The following TRIO variants were observed in gnomAD, a reference collection of about 807,000 sequenced individuals.
The protein encoded by TRIO is triple functional domain protein.
TRIO carries 58 observed loss-of-function variants against 351.9 expected under a neutral mutation model. The ratio of observed to expected loss-of-function variants is 0.16; its 90% confidence interval spans 0.13 to 0.21. The LOEUF (loss-of-function observed/expected upper bound fraction) is 0.21. TRIO is among the 10% of genes least tolerant of loss of function. The probability of loss-of-function intolerance (pLI) is 1.00; values close to 1 mark genes in which losing one functional copy is unlikely to be tolerated. For missense variants in TRIO, 3,201 were observed against 4,027.8 expected (o/e 0.79, Z 5.56); for synonymous variants, 1,758 against 1,595.7 (o/e 1.10, Z -2.42).
chr5:14,496,705 C>T (rs1756917702), intron 49 of TRIO, among the ~76,000 whole-genome samples, 174 bp from the exon 50 acceptor site: 1 of 152,078 alleles, frequency 6.6e-6, no homozygotes, highest in Admixed American at 6.5e-5. Context: ...GGTTTTATCT[C>T]CTGGTTCTTA....
intron 11 of TRIO, among the ~76,000 whole-genome samples, chr5:14,346,999 G>T (rs1742478791): frequency 6.6e-6 from 1 of 152,234 alleles, no homozygotes; most frequent in African/African-American, 2.4e-5. Context: ...GACTGACAAA[G>T]GTAGTGGTGG....
chr5:14,362,305 A>T (rs1337563374), intron 13 of TRIO, among the ~76,000 whole-genome samples: 1 of 152,254 alleles, frequency 6.6e-6, no homozygotes, highest in African/African-American at 2.4e-5. Context: ...TTTTTCTAAA[A>T]GATGAGGCCA....
At chr5:14,195,051 TA>T (rs1436437444) in intron 1 of TRIO, among the ~76,000 whole-genome samples, 9 of 152,126 alleles carry the variant, frequency 5.9e-5, no homozygotes, top group African/African-American at 2.2e-4. Flanking sequence ...CTTCTGGAAG[TA>T]AAATGATGAA....
chr5:14,462,251 C>A (rs1389183032), intron 35 of TRIO, among the ~76,000 whole-genome samples: 1 of 152,062 alleles, frequency 6.6e-6, no homozygotes, highest in Non-Finnish European at 1.5e-5. Flanking sequence ...AAACCTCTGT[C>A]CTCTTAGGAA....
At chr5:14,357,026 G>A (rs963357319) in intron 11 of TRIO, among the ~76,000 whole-genome samples, 8 of 152,208 alleles carry the variant, frequency 5.3e-5, no homozygotes, top group South Asian at 2.1e-4. Flanking sequence ...GGTGAAGTGG[G>A]TATAGACAAA....
intron 21 of TRIO, among the ~76,000 whole-genome samples, chr5:14,382,585 C>A (rs995700376): frequency 6.6e-6 from 1 of 152,246 alleles, no homozygotes; most frequent in South Asian, 2.1e-4. Context: ...CCCCCAGAGG[C>A]ACAATGAGCT....
intron 34 of TRIO, among the ~76,000 whole-genome samples, chr5:14,434,522 T>C (rs1561486758): frequency 1.3e-5 from 2 of 152,206 alleles, no homozygotes; most frequent in African/African-American, 4.8e-5. Flanking sequence ...TGAAATAATT[T>C]TGGACCTACA....
intron 17 of TRIO, 22 bp downstream of exon 17, chr5:14,368,921 C>T (rs1042832787): frequency 1.2e-6 from 2 of 1,604,386 alleles, no homozygotes; most frequent in African/African-American, 2.7e-5. Context: ...GGTTCCCTTC[C>T]TTGAACTCCA....
chr5:14,270,378 A>C (rs757494469), intron 1 of TRIO, among the ~76,000 whole-genome samples: 3 of 152,222 alleles, frequency 2.0e-5, no homozygotes, highest in Non-Finnish European at 2.9e-5. Context: ...CAGACCCTGA[A>C]GTCTGATGGA....
At chr5:14,145,788 G>C (rs1787486519) in intron 1 of TRIO, among the ~76,000 whole-genome samples, 1 of 152,154 alleles carries the variant, frequency 6.6e-6, no homozygotes, top group African/African-American at 2.4e-5. Context: ...CTCCCTAAAA[G>C]ACACCGAAGA....
At position 14,504,379 on chromosome 5, in the gene TRIO, G is replaced by C; in HGVS notation, c.8412-14G>C. 1 of 1,613,884 alleles carries C rather than the reference G, an allele frequency of 6.2e-7. No individual in the cohort carries two copies. The highest frequency in any genetic ancestry group is 8.5e-7 in the Non-Finnish European group (1 of 1,179,998). On this transcript the variant is annotated splice_polypyrimidine_tract_variant and intron_variant, in intron 54 of 56. Coordinates refer to ENST00000344204, the MANE Select transcript of TRIO (RefSeq NM_007118.4). Reference sequence around the variant, plus strand: ...AGCAGCCTCTGCAAATGGTCCCCCTGACATATTTTACAGGGGCAGATTCTC... The same window carrying C: ...AGCAGCCTCTGCAAATGGTCCCCCTCACATATTTTACAGGGGCAGATTCTC...
At chr5:14,505,127 T>C (rs1464100594) in intron 55 of TRIO, among the ~76,000 whole-genome samples, 1 of 152,230 alleles carries the variant, frequency 6.6e-6, no homozygotes, top group African/African-American at 2.4e-5. Context: ...CCGTTGTACT[T>C]ACTGGGCTCC....
intron 1 of TRIO, among the ~76,000 whole-genome samples, chr5:14,148,507 A>G (rs933270254): frequency 5.9e-5 from 9 of 152,218 alleles, no homozygotes; most frequent in Non-Finnish European, 1.3e-4. Flanking sequence ...ACTCACTGAT[A>G]TTGATAGGGA....
chr5:14,192,536 C>T (rs1189172352), intron 1 of TRIO, among the ~76,000 whole-genome samples: 1 of 152,106 alleles, frequency 6.6e-6, no homozygotes, highest in Non-Finnish European at 1.5e-5. Context: ...GGCCTCTCAC[C>T]ATATTTTTAA....
At chr5:14,205,603 A>T (rs1791407110) in intron 1 of TRIO, among the ~76,000 whole-genome samples, 1 of 152,216 alleles carries the variant, frequency 6.6e-6, no homozygotes, top group African/African-American at 2.4e-5. Flanking sequence ...AATAACATTA[A>T]TTTTTATTAT....
At chr5:14,404,952 A>G (rs1476978608) in intron 31 of TRIO, among the ~76,000 whole-genome samples, 2 of 152,176 alleles carry the variant, frequency 1.3e-5, no homozygotes, top group Non-Finnish European at 2.9e-5. Context: ...ACGATGAGTT[A>G]TGACGGGTTA....
At chr5:14,456,962 G>A (rs991500655) in intron 34 of TRIO, among the ~76,000 whole-genome samples, 1 of 152,186 alleles carries the variant, frequency 6.6e-6, no homozygotes, top group Non-Finnish European at 1.5e-5. Flanking sequence ...CCAGCAAAGA[G>A]CATAGACATG....
At chr5:14,478,526 A>G (rs1338075228) in intron 41 of TRIO, among the ~76,000 whole-genome samples, 1 of 152,032 alleles carries the variant, frequency 6.6e-6, no homozygotes, top group Non-Finnish European at 1.5e-5. Context: ...GGAAAGGCTC[A>G]TTGTCTACAT....
chr5:14,487,514 GGCGGCGGCA>G lies in TRIO; in HGVS notation c.6891_6899del (p.Ser2302_Gly2304del), dbSNP rs1554088664. ...GAGGAACCACAGCGGGGGCGGCGGC[GGCGGCGGCA>G]GCGGGGGCAGCGGCGGGGGTGGGGG... On this transcript the variant is annotated inframe_deletion, in exon 48 of 57. Transcript: ENST00000344204. The G allele has an allele frequency of 1.1e-5, 12 of 1,076,314 alleles. No homozygotes were observed. Among genetic ancestry groups the G allele is most frequent in the South Asian group, 7.5e-5 (2 of 26,538 alleles). The allele number at this position is 1,076,314 out of a possible 1,614,324, so 66.7% of individuals were successfully genotyped here.
Sources: gnomAD v4.1 joint callset for allele counts (sites outside exome capture counted in the v4.1 genomes callset) on GRCh38, gnomAD v4.1.1 for gene constraint, MANE v1.5 for transcripts, NCBI Gene and HGNC (gene_info 2026-07-23, HGNC 2026-07-21) for gene names.